The following NKAIN3 variants were observed in gnomAD, a reference collection of about 807,000 sequenced individuals.
NKAIN3 encodes the protein sodium/potassium transporting ATPase interacting 3.
NKAIN3 carries 25 observed loss-of-function variants against 30.2 expected under a neutral mutation model. That is an observed-to-expected ratio of 0.83 (90% CI 0.60 to 1.16). The LOEUF is 1.16. NKAIN3 is among the 50% of genes most tolerant of loss of function. NKAIN3 has a pLI of 0.00. For synonymous variants in NKAIN3, 91 were observed against 89.6 expected (o/e 1.02, Z -0.09); for missense variants, 225 against 254.1 (o/e 0.89, Z 0.78).
chr8:62,686,801 C>T (rs2130431763), intron 3 of NKAIN3, among the ~76,000 whole-genome samples: 1 of 152,274 alleles, frequency 6.6e-6, no homozygotes, highest in South Asian at 2.1e-4. Context: ...CCTTATATCT[C>T]CCTGTACACA....
At chr8:62,752,265 A>G (rs1175228442) in intron 4 of NKAIN3, among the ~76,000 whole-genome samples, 2 of 152,144 alleles carry the variant, frequency 1.3e-5, no homozygotes, top group African/African-American at 4.8e-5. Context: ...CTAGTTTCAC[A>G]TTGCTATTAC....
At chr8:62,529,306 A>G (rs1276015847) in intron 1 of NKAIN3, among the ~76,000 whole-genome samples, 1 of 152,186 alleles carries the variant, frequency 6.6e-6, no homozygotes, top group African/African-American at 2.4e-5. Flanking sequence ...ACTTCAAATT[A>G]TTTTTGACAA....
At chr8:62,918,414 G>C (rs1822172317) in intron 4 of NKAIN3, 39 bp from the exon 5 acceptor site, 1 of 1,473,520 alleles carries the variant, frequency 6.8e-7, no homozygotes, top group Non-Finnish European at 9.5e-7. Context: ...TGGAAACTTG[G>C]CATAGATTCT....
intron 5 of NKAIN3, among the ~76,000 whole-genome samples, chr8:62,992,524 C>G (rs1331572678): frequency 1.3e-5 from 2 of 151,952 alleles, no homozygotes; most frequent in Non-Finnish European, 2.9e-5. Context: ...CTATGGAAAA[C>G]AGACAACACA....
At chr8:62,321,957 T>G (rs1234404601) in intron 1 of NKAIN3, among the ~76,000 whole-genome samples, 2 of 152,172 alleles carry the variant, frequency 1.3e-5, no homozygotes, top group Non-Finnish European at 2.9e-5. Flanking sequence ...CAGACCTCCT[T>G]GAGCTGCGGT....
intron 1 of NKAIN3, among the ~76,000 whole-genome samples, chr8:62,358,313 C>T (rs1308086331): frequency 1.5e-5 from 2 of 136,070 alleles, no homozygotes; most frequent in African/African-American, 5.5e-5. Flanking sequence ...ACTTCATTTT[C>T]AGACAGAAAT....
chr8:62,312,715 G>A (rs956388657), intron 1 of NKAIN3, among the ~76,000 whole-genome samples: 2 of 152,006 alleles, frequency 1.3e-5, no homozygotes, highest in African/African-American at 2.4e-5. Flanking sequence ...TACCTGGGAG[G>A]TTGAGGTGGG....
intron 4 of NKAIN3, among the ~76,000 whole-genome samples, chr8:62,789,513 A>T (rs1817634837): frequency 6.6e-6 from 1 of 152,102 alleles, no homozygotes. Flanking sequence ...TTCCTAATTG[A>T]ATGCCCTGTA....
At chr8:62,378,712 A>G (rs147021216) in intron 1 of NKAIN3, among the ~76,000 whole-genome samples, 4 of 152,280 alleles carry the variant, frequency 2.6e-5, no homozygotes, top group African/African-American at 9.6e-5. Flanking sequence ...AGGTTGGGGA[A>G]CCTCCACCTA....
chr8:62,576,427 C>T lies in NKAIN3; in HGVS notation c.55-3112C>T, dbSNP rs541283747. ...CTGTAAAGGTCTCATTCATTCTCTTCGCTTGGGCATCTCTGCAGAGATCCT... is the reference window on the plus strand; with the variant it reads ...CTGTAAAGGTCTCATTCATTCTCTTTGCTTGGGCATCTCTGCAGAGATCCT... On this transcript the variant is annotated intron_variant, in intron 1 of 6. Coordinates refer to ENST00000623646, the MANE Select transcript of NKAIN3 (RefSeq NM_001304533.3). Among the ~76,000 whole-genome samples, 12 of 152,122 alleles carry T rather than the reference C, an allele frequency of 7.9e-5. No individual in the cohort carries two copies. The South Asian group carries it at 1.5e-3, about 18-fold the overall frequency.
intron 4 of NKAIN3, among the ~76,000 whole-genome samples, chr8:62,839,585 A>G (rs1211873318): frequency 1.3e-5 from 2 of 151,852 alleles, no homozygotes; most frequent in African/African-American, 2.4e-5. Flanking sequence ...TTTTCTTTTA[A>G]TTTATTTGTT....
chr8:62,813,358 A>T (rs1818554988), intron 4 of NKAIN3, among the ~76,000 whole-genome samples: 1 of 151,512 alleles, frequency 6.6e-6, no homozygotes, highest in African/African-American at 2.4e-5. Context: ...AAATTTTAGG[A>T]TTTTTTTTTA....
At position 62,256,128 on chromosome 8, in the gene NKAIN3, C is replaced by T. The variant is rs74304491; in HGVS notation, c.54+7001C>T. 2.1e-3 allele frequency among the ~76,000 whole-genome samples: 313 copies of T among 151,926 alleles called. 11 individuals carry two copies. In the East Asian group the frequency reaches 0.057, roughly 28 times the overall value. ...GTCCTTAGTTTTTAAGATTTTAGGA[C>T]GGATACTGGGTGTGGTGCCTCATGC... On this transcript the variant is annotated intron_variant, in intron 1 of 6. Coordinates refer to ENST00000623646, the MANE Select transcript of NKAIN3 (RefSeq NM_001304533.3).
intron 4 of NKAIN3, among the ~76,000 whole-genome samples, chr8:62,853,416 A>G (rs1172345451): frequency 6.6e-6 from 1 of 152,142 alleles, no homozygotes; most frequent in South Asian, 2.1e-4. Context: ...CCAATTTGCC[A>G]GTCTGTGTCT....
intron 4 of NKAIN3, among the ~76,000 whole-genome samples, chr8:62,850,053 T>C (rs1819838785): frequency 2.0e-5 from 3 of 152,158 alleles, no homozygotes; most frequent in African/African-American, 7.2e-5. Context: ...ATGGTTGAAC[T>C]AGTTTACAGT....
intron 4 of NKAIN3, among the ~76,000 whole-genome samples, chr8:62,831,632 G>A (rs1483646626): frequency 1.3e-5 from 2 of 152,068 alleles, no homozygotes; most frequent in East Asian, 3.9e-4. Flanking sequence ...AAGAATTTCA[G>A]AGCTTGAAGA....
intron 1 of NKAIN3, among the ~76,000 whole-genome samples, chr8:62,522,511 G>T (rs552977183): frequency 3.5e-4 from 53 of 152,048 alleles, no homozygotes; most frequent in African/African-American, 1.2e-3. Flanking sequence ...GGTCCTTCAG[G>T]AGGTACCCAG....
At chr8:62,454,303 A>AAAAAAAAAAAAAAAAAAAAAAAT in intron 1 of NKAIN3, among the ~76,000 whole-genome samples, 1 of 103,028 alleles carries the variant, frequency 9.7e-6, no homozygotes, top group African/African-American at 3.5e-5. Context: ...CTGATGTGCA[A>AAAAAAAAAAAAAAAAAAAAAAAT]AAAAAAAAAA....
chr8:62,787,755 C>A (rs949648396), intron 4 of NKAIN3, among the ~76,000 whole-genome samples: 18 of 152,034 alleles, frequency 1.2e-4, no homozygotes, highest in Admixed American at 9.2e-4. Context: ...GTTCAATTCC[C>A]ACCTATGAGT....
Sources: gnomAD v4.1 joint callset for allele counts (sites outside exome capture counted in the v4.1 genomes callset) on GRCh38, gnomAD v4.1.1 for gene constraint, MANE v1.5 for transcripts, NCBI Gene and HGNC (gene_info 2026-07-23, HGNC 2026-07-21) for gene names.